The following CCSER2 variants were observed in gnomAD, a reference collection of about 807,000 sequenced individuals.
CCSER2 encodes serine-rich coiled-coil domain-containing protein 2.
CCSER2 carries 46 observed loss-of-function variants against 92.3 expected under a neutral mutation model. The observed-to-expected ratio is 0.50, with a 90% CI of 0.39 to 0.64. The LOEUF is 0.64. Ranked by LOEUF, CCSER2 falls within the 30% of genes least tolerant of loss-of-function variation. The pLI, the probability that CCSER2 is intolerant of heterozygous loss-of-function variation, is 0.00. For missense variants in CCSER2, 1,244 were observed against 1,238.9 expected (o/e 1.00, Z -0.06); for synonymous variants, 433 against 431.4 (o/e 1.00, Z -0.04).
intron 1 of CCSER2, among the ~76,000 whole-genome samples, chr10:84,367,321 C>T (rs906391262): frequency 6.6e-6 from 1 of 151,068 alleles, no homozygotes; most frequent in African/African-American, 2.4e-5. Flanking sequence ...TCTTTCTGTT[C>T]AGCCTTTGTC....
At chr10:84,358,478 G>A (rs544408900) in intron 1 of CCSER2, among the ~76,000 whole-genome samples, 26 of 152,000 alleles carry the variant, frequency 1.7e-4, no homozygotes, top group African/African-American at 6.3e-4. Flanking sequence ...CTCTAGCTCT[G>A]GAAAGTAATT....
At chr10:84,329,056 C>T (rs1432004553) in intron 1 of CCSER2, among the ~76,000 whole-genome samples, 1 of 151,880 alleles carries the variant, frequency 6.6e-6, no homozygotes, top group East Asian at 1.9e-4. Context: ...CGCGGGGCCT[C>T]GGGCCGCGGG....
At chr10:84,351,560 G>T (rs1384703950) in intron 1 of CCSER2, among the ~76,000 whole-genome samples, 1 of 152,066 alleles carries the variant, frequency 6.6e-6, no homozygotes, top group East Asian at 1.9e-4. Flanking sequence ...TTAAGAGACT[G>T]GGTCTCACTG....
chr10:84,408,209 G>A (rs772105006), intron 3 of CCSER2, among the ~76,000 whole-genome samples: 1 of 151,894 alleles, frequency 6.6e-6, no homozygotes, highest in Non-Finnish European at 1.5e-5. Context: ...GTCACATATT[G>A]GAAGATTATA....
intron 3 of CCSER2, among the ~76,000 whole-genome samples, chr10:84,405,957 A>G (rs1842355015): frequency 6.6e-6 from 1 of 152,222 alleles, no homozygotes; most frequent in Non-Finnish European, 1.5e-5. Flanking sequence ...TTTACCATAG[A>G]AAAATGAGAG....
intron 9 of CCSER2, among the ~76,000 whole-genome samples, chr10:84,508,151 A>T (rs1010457859): frequency 1.3e-5 from 2 of 152,170 alleles, no homozygotes; most frequent in Non-Finnish European, 2.9e-5. Context: ...AAAATGTTTG[A>T]ATTTGAACAC....
chr10:84,459,924 T>C (rs1845999414), intron 6 of CCSER2, among the ~76,000 whole-genome samples: 1 of 152,190 alleles, frequency 6.6e-6, no homozygotes, highest in African/African-American at 2.4e-5. Context: ...TGCCAGGAAA[T>C]TTATCTGTGT....
rs1847621556 is a variant in CCSER2, at chr10:84,483,956, TATATATATATATA to T, written c.2325+6293_2325+6305del. Among the ~76,000 whole-genome samples, 304 of 89,144 alleles carry T rather than the reference TATATATATATATA, an allele frequency of 3.4e-3. 4 individuals carry two copies. Among genetic ancestry groups the T allele is most frequent in the African/African-American group, 0.02 (277 of 14,042 alleles). 58.5% of individuals were successfully genotyped at this position (89,144 alleles called of 152,430 possible). A position where few individuals can be genotyped will look rare whatever the true frequency, so the allele number is the denominator to read the frequency against. ...CATCCCACCACACCCGGCTAATTTATATATATATATATATATATATATATATATATATATATAT... is the reference window on the plus strand; with the variant it reads ...CATCCCACCACACCCGGCTAATTTATTATATATATATATATATATATATAT... On this transcript the variant is annotated intron_variant, in intron 9 of 9. Coordinates refer to ENST00000372088, the MANE Select transcript of CCSER2 (RefSeq NM_001284240.2).
At position 84,352,196 on chromosome 10, in the gene CCSER2, C is replaced by T. The variant is rs567071509; in HGVS notation, c.-39-18818C>T. Among the ~76,000 whole-genome samples, 65 of 152,042 alleles carry T rather than the reference C, an allele frequency of 4.3e-4. No individual in the cohort carries two copies. In the East Asian group the frequency reaches 5.6e-3, roughly 13 times the overall value. The stretch of plus-strand genomic sequence containing the variant: ...GCACACGCCTATAGTCCCAGGTACT[C>T]GGGAGGCTGAGGCAGGAGAATTGCT... On this transcript the variant is annotated intron_variant, in intron 1 of 9. Transcript: ENST00000372088.
At chr10:84,453,479 G>C (rs1366257860) in intron 6 of CCSER2, among the ~76,000 whole-genome samples, 2 of 152,180 alleles carry the variant, frequency 1.3e-5, no homozygotes, top group Non-Finnish European at 2.9e-5. Flanking sequence ...GATTTGTCCT[G>C]TGAACCGTAG....
At chr10:84,410,222 T>C (rs1424153625) in intron 3 of CCSER2, among the ~76,000 whole-genome samples, 1 of 152,226 alleles carries the variant, frequency 6.6e-6, no homozygotes, top group African/African-American at 2.4e-5. Context: ...GTAATGAACA[T>C]ATGCATGCAT....
rs1350708851 is a variant in CCSER2 at position 84,373,731 on chromosome 10, A to G, written c.1530A>G (p.Thr510=). The change falls in exon 3 of 10, where the codon ACA becomes ACG. Residue 510 remains threonine, a synonymous_variant. Transcript: ENST00000372088. ...ELSPSDSSDG[T]YMWDEEGLEP... Reference sequence around the variant, plus strand: ...CTCCATCTGATAGCTCTGATGGAACATACATGTGGGATGAAGAAGGCTTGG... The same window carrying G: ...CTCCATCTGATAGCTCTGATGGAACGTACATGTGGGATGAAGAAGGCTTGG... 1 of 1,613,790 alleles carries G rather than the reference A, an allele frequency of 6.2e-7. No individual in the cohort carries two copies. Among genetic ancestry groups the G allele is most frequent in the East Asian group, 2.2e-5 (1 of 44,850 alleles).
Position 84,501,834 on chromosome 10 carries a change from A to ATATATATATAT in CCSER2, c.2326-11615_2326-11614insTATATATATAT, listed in dbSNP as rs1554868294. ...TTAGTCATCTAGGGAAAAAAAAAAA[A>ATATATATATAT]ATATATATATATATATATATATATA... On this transcript the variant is annotated intron_variant, in intron 9 of 9. Transcript: ENST00000372088. Among the ~76,000 whole-genome samples, 29 of 40,106 alleles carry ATATATATATAT rather than the reference A, an allele frequency of 7.2e-4. 1 individual carries two copies. Among genetic ancestry groups the ATATATATATAT allele is most frequent in the Non-Finnish European group, 1.5e-3 (18 of 12,252 alleles). The allele number at this position is 40,106 out of a possible 152,430, so 26.3% of individuals were successfully genotyped here. A position where few individuals can be genotyped will look rare whatever the true frequency, so the allele number is the denominator to read the frequency against.
chr10:84,475,323 A>G (rs1229442899), intron 8 of CCSER2, among the ~76,000 whole-genome samples: 1 of 152,198 alleles, frequency 6.6e-6, no homozygotes, highest in Non-Finnish European at 1.5e-5. Context: ...AGCAATAAAG[A>G]AGGCAGATGG....
chr10:84,435,341 T>C (rs1844041957), intron 5 of CCSER2, among the ~76,000 whole-genome samples: 1 of 152,176 alleles, frequency 6.6e-6, no homozygotes, highest in African/African-American at 2.4e-5. Context: ...CTTAAAACAT[T>C]TTAAATTTAT....
Position 84,518,169 on chromosome 10 carries a change from TGA to T in CCSER2, c.*3908_*3909del, listed in dbSNP as rs1369712049. On this transcript the variant is annotated 3_prime_UTR_variant, in exon 10 of 10. Coordinates refer to ENST00000372088, the MANE Select transcript of CCSER2 (RefSeq NM_001284240.2). Reference sequence around the variant, plus strand: ...CCTTTAAGTTTTTGCTGCAGCAATTTGAGAGAGTACTTTTGATTAAATGATTC... The same window carrying T: ...CCTTTAAGTTTTTGCTGCAGCAATTTGAGAGTACTTTTGATTAAATGATTC... 6.6e-6 allele frequency: 1 copy of T among 152,234 alleles called. No homozygotes were observed. Among genetic ancestry groups the T allele is most frequent in the Non-Finnish European group, 1.5e-5 (1 of 68,032 alleles). The allele number at this position is 152,234 out of a possible 1,614,324, so 9.4% of individuals were successfully genotyped here.
chr10:84,481,263 T>G (rs1395164998), intron 9 of CCSER2, among the ~76,000 whole-genome samples: 1 of 152,202 alleles, frequency 6.6e-6, no homozygotes, highest in Non-Finnish European at 1.5e-5. Context: ...ATTCCTGTTA[T>G]GTAATGTTTT....
Position 84,438,472 on chromosome 10 carries a change from T to C in CCSER2, c.1869-40T>C, listed in dbSNP as rs199831045. The C allele has an allele frequency of 5.5e-4, 567 of 1,024,662 alleles. 4 individuals are homozygous for C. The African/African-American group carries it at 8.0e-3, about 14-fold the overall frequency. The allele number at this position is 1,024,662 out of a possible 1,614,324, so 63.5% of individuals were successfully genotyped here. ...TCTTTATTTCTTTCTGAAATTGTAT[T>C]GTATATCTTTTCCCTCCACCTTCTT... On this transcript the variant is annotated intron_variant, in intron 5 of 9. Transcript: ENST00000372088.
intron 5 of CCSER2, among the ~76,000 whole-genome samples, chr10:84,435,616 C>T (rs1333627845): frequency 3.3e-5 from 4 of 120,812 alleles, no homozygotes; most frequent in Non-Finnish European, 6.7e-5. Flanking sequence ...GGGTAAAATA[C>T]ATGTTCCTTA....
Sources: gnomAD v4.1 joint callset for allele counts (sites outside exome capture counted in the v4.1 genomes callset) on GRCh38, gnomAD v4.1.1 for gene constraint, MANE v1.5 for transcripts, NCBI Gene and HGNC (gene_info 2026-07-23, HGNC 2026-07-21) for gene names.